Variants in DEFB119 observed in about 807,000 individuals in gnomAD.
DEFB119 encodes defensin beta 119.
A neutral mutation model predicts 2.5 loss-of-function variants in DEFB119; 3 were observed. The observed-to-expected ratio is 1.19, with a 90% CI of 0.54 to 3.07. The LOEUF (loss-of-function observed/expected upper bound fraction) is 3.07. DEFB119 is among the 30% of genes most tolerant of loss of function. The probability of loss-of-function intolerance (pLI) is 0.03; values close to 1 mark genes in which losing one functional copy is unlikely to be tolerated. For synonymous variants in DEFB119, 29 were observed against 33.7 expected (o/e 0.86, Z 0.48); for missense variants, 113 against 101.1 (o/e 1.12, Z -0.50).
chr20:31,383,023 T>G (rs1430258345), intron 1 of DEFB119, among the ~76,000 whole-genome samples: 1 of 152,174 alleles, frequency 6.6e-6, no homozygotes, highest in Non-Finnish European at 1.5e-5. Flanking sequence ...AAAGAGCCAG[T>G]AAACAGAGAA....
intron 1 of DEFB119, among the ~76,000 whole-genome samples, chr20:31,380,901 C>A (rs1389558237): frequency 6.6e-6 from 1 of 152,006 alleles, no homozygotes; most frequent in Non-Finnish European, 1.5e-5. Flanking sequence ...TTTAGCTATT[C>A]TTATTCTTTT....
At chr20:31,382,355 T>G (rs920143698) in intron 1 of DEFB119, among the ~76,000 whole-genome samples, 1 of 152,186 alleles carries the variant, frequency 6.6e-6, no homozygotes. Context: ...TTACTTGCTG[T>G]GTATCCTGGG....
intron 1 of DEFB119, among the ~76,000 whole-genome samples, chr20:31,379,538 G>T (rs1255501356): frequency 6.6e-6 from 1 of 151,744 alleles, no homozygotes; most frequent in Non-Finnish European, 1.5e-5. Context: ...TTTGTCGCCA[G>T]GCTGCAGTGC....
chr20:31,388,111 C>A (rs931744855), intron 1 of DEFB119: 2 of 985,226 alleles, frequency 2.0e-6, no homozygotes, highest in African/African-American at 3.5e-5. Flanking sequence ...AGAATAAAGT[C>A]TGGGAAGACA....
chr20:31,380,263 C>T (rs958285737), intron 1 of DEFB119, among the ~76,000 whole-genome samples: 2 of 151,978 alleles, frequency 1.3e-5, no homozygotes, highest in African/African-American at 4.8e-5. Flanking sequence ...ATATATATTC[C>T]TTTAAAAATA....
At chr20:31,389,374 A>T (rs1232890433) in intron 1 of DEFB119, 1 of 1,076,380 alleles carries the variant, frequency 9.3e-7, no homozygotes, top group Non-Finnish European at 1.3e-6. Context: ...TCCCAGGAAA[A>T]GAGAGAAGAG....
intron 1 of DEFB119, among the ~76,000 whole-genome samples, chr20:31,379,317 A>T (rs1218241434): frequency 6.6e-6 from 1 of 152,170 alleles, no homozygotes; most frequent in African/African-American, 2.4e-5. Flanking sequence ...CACTATTTTT[A>T]ATTTTAGCTG....
At position 31,377,337 on chromosome 20, in the gene DEFB119, C is replaced by A. The variant is rs771928483; in HGVS notation, c.164G>T (p.Cys55Phe). Residue 55 changes from cysteine (C) to phenylalanine (F), a missense_variant, in exon 2 of 2, where the codon TGC (cysteine) becomes TTC (phenylalanine). Transcript: ENST00000376321. ...PYLYCRNCQS[C>F]CLQSYMRISI... ...TATCCTCATGTAGGACTGGAGGCAG[C>A]AGGACTGACAATTTCTGCAATAGAG... is the stretch of plus-strand genomic sequence containing the variant. 1 of 1,614,150 alleles carries A rather than the reference C, an allele frequency of 6.2e-7. No homozygotes were observed. The highest frequency in any genetic ancestry group is 2.2e-5 in the East Asian group (1 of 44,888).
chr20:31,384,005 T>C (rs1431738877), intron 1 of DEFB119, among the ~76,000 whole-genome samples: 1 of 152,146 alleles, frequency 6.6e-6, no homozygotes, highest in East Asian at 1.9e-4. Flanking sequence ...TGGGAAACTG[T>C]GAATCATTAA....
At chr20:31,384,943 TC>T (rs1340442180) in intron 1 of DEFB119, among the ~76,000 whole-genome samples, 1 of 151,798 alleles carries the variant, frequency 6.6e-6, no homozygotes, top group African/African-American at 2.4e-5. Context: ...GAAGACACCA[TC>T]CCAACTGAAT....
At chr20:31,389,430 TC>T in intron 1 of DEFB119, among the ~76,000 whole-genome samples, 1 of 152,196 alleles carries the variant, frequency 6.6e-6, no homozygotes, top group Non-Finnish European at 1.5e-5. Context: ...AACTGAGAGC[TC>T]CGAAGTTTTT....
intron 1 of DEFB119, among the ~76,000 whole-genome samples, chr20:31,386,571 T>C (rs1228260149): frequency 2.0e-5 from 3 of 152,160 alleles, no homozygotes; most frequent in Non-Finnish European, 4.4e-5. Context: ...AAGATAAATA[T>C]TACTTGTTCT....
chr20:31,382,629 C>T (rs1463980793), intron 1 of DEFB119, among the ~76,000 whole-genome samples: 1 of 152,220 alleles, frequency 6.6e-6, no homozygotes, highest in Non-Finnish European at 1.5e-5. Context: ...TCCTCTGCTC[C>T]CTCCAGCCCA....
At chr20:31,387,700 G>T (rs1388695472) in intron 1 of DEFB119, among the ~76,000 whole-genome samples, 1 of 152,238 alleles carries the variant, frequency 6.6e-6, no homozygotes, top group East Asian at 1.9e-4. Flanking sequence ...CCACCCTCCA[G>T]GGAGGGACCT....
chr20:31,382,605 A>G (rs1350858106), intron 1 of DEFB119, among the ~76,000 whole-genome samples: 1 of 152,208 alleles, frequency 6.6e-6, no homozygotes, highest in East Asian at 1.9e-4. Flanking sequence ...AACCACGTAG[A>G]CCTAACACAG....
chr20:31,390,282 T>G, intron 1 of DEFB119, 141 bp downstream of exon 1: 1 of 797,890 alleles, frequency 1.3e-6, no homozygotes, highest in East Asian at 2.6e-5. Flanking sequence ...AGAGAGATAT[T>G]AACTTGAGAT....
chr20:31,385,391 AAC>A (rs1343000340), intron 1 of DEFB119, among the ~76,000 whole-genome samples: 1 of 151,530 alleles, frequency 6.6e-6, no homozygotes, highest in African/African-American at 2.4e-5. Context: ...AAAAAAAAAA[AAC>A]ACAGTTTGAT....
chr20:31,380,563 G>T (rs539876901), intron 1 of DEFB119, among the ~76,000 whole-genome samples: 1 of 152,198 alleles, frequency 6.6e-6, no homozygotes, highest in South Asian at 2.1e-4. Flanking sequence ...ACCACGCCTG[G>T]CGGTTATGAT....
intron 1 of DEFB119, chr20:31,389,280 G>A (rs201884815): frequency 2.3e-4 from 370 of 1,610,204 alleles, no homozygotes; most frequent in African/African-American, 8.1e-4. Context: ...TCCCTCAAGC[G>A]GAGAGAAAAG....
Sources: gnomAD v4.1 joint callset for allele counts (sites outside exome capture counted in the v4.1 genomes callset) on GRCh38, gnomAD v4.1.1 for gene constraint, MANE v1.5 for transcripts, NCBI Gene and HGNC (gene_info 2026-07-23, HGNC 2026-07-21) for gene names.